FER: variants seen among roughly 807,000 people sequenced by gnomAD.
The protein encoded by FER is tyrosine-protein kinase Fer.
A neutral mutation model predicts 111.0 loss-of-function variants in FER; 63 were observed. The ratio of observed to expected loss-of-function variants is 0.57; its 90% CI spans 0.46 to 0.70. FER has a LOEUF of 0.70. Ranked by LOEUF, FER falls within the 30% of genes least tolerant of loss-of-function variation. FER has a pLI of 0.00. For missense variants in FER, 914 were observed against 954.0 expected, an observed-to-expected ratio of 0.96 and a Z score of 0.55; for synonymous variants, 327 against 313.9, an observed-to-expected ratio of 1.04 and a Z score of -0.44.
chr5:108,883,386 T>C lies in FER; in HGVS notation c.924-10T>C, dbSNP rs1404290833. 2 of 1,594,736 alleles carry C rather than the reference T, an allele frequency of 1.3e-6. No individual in the cohort carries two copies. Among genetic ancestry groups the C allele is most frequent in the South Asian group, 2.3e-5 (2 of 87,598 alleles). The stretch of plus-strand genomic sequence containing the variant: ...TTGTTGGTTGTTATTGAGGATACTG[T>C]TTATTCTAGGTTGAAAACGTTAGCG... On this transcript the variant is annotated splice_polypyrimidine_tract_variant and intron_variant, in intron 8 of 19. Transcript: ENST00000281092.
intron 13 of FER, among the ~76,000 whole-genome samples, chr5:108,980,429 T>G (rs1761902982): frequency 6.6e-6 from 1 of 152,226 alleles, no homozygotes; most frequent in Non-Finnish European, 1.5e-5. Flanking sequence ...AGTATTCATC[T>G]ATACAGGAGA....
intron 17 of FER, among the ~76,000 whole-genome samples, chr5:109,118,017 T>C (rs1227731816): frequency 1.3e-5 from 2 of 152,068 alleles, no homozygotes; most frequent in African/African-American, 4.8e-5. Context: ...TCCTGCCTGA[T>C]TGCCCTGGCC....
At chr5:108,817,184 C>T (rs1191439620) in intron 3 of FER, among the ~76,000 whole-genome samples, 1 of 142,496 alleles carries the variant, frequency 7.0e-6, no homozygotes, top group African/African-American at 2.6e-5. Context: ...ACCACTAGTC[C>T]AGGGAAACCG....
intron 8 of FER, among the ~76,000 whole-genome samples, chr5:108,872,998 C>T (rs116177016): frequency 1.7e-3 from 264 of 152,294 alleles, no homozygotes; most frequent in African/African-American, 6.2e-3. Context: ...TCAAATGACT[C>T]AGCCAAATGT....
chr5:108,770,065 C>T (rs1752728392), intron 2 of FER, among the ~76,000 whole-genome samples: 1 of 152,184 alleles, frequency 6.6e-6, no homozygotes, highest in African/African-American at 2.4e-5. Context: ...TCTCCTGCCT[C>T]AGCCTCCCAA....
chr5:109,098,670 A>G (rs937575121), intron 16 of FER, among the ~76,000 whole-genome samples: 28 of 151,664 alleles, frequency 1.8e-4, no homozygotes, highest in African/African-American at 5.1e-4. Context: ...AATTAGTGGA[A>G]TTTTACTTTT....
intron 5 of FER, among the ~76,000 whole-genome samples, chr5:108,855,141 C>G (rs774530727): frequency 1.3e-5 from 2 of 151,916 alleles, no homozygotes; most frequent in Admixed American, 6.6e-5. Context: ...TCAAGTGGAA[C>G]TGTTGAATTA....
At position 108,872,067 on chromosome 5, in the gene FER, C is replaced by A; in HGVS notation, c.804-26C>A. On this transcript the variant is annotated intron_variant, in intron 7 of 19. Coordinates refer to ENST00000281092, the MANE Select transcript of FER (RefSeq NM_005246.4). ...ATTATGATACTGTATTTACAATGAT[C>A]AAAATTATTTGCCATGCTTTACTAG... The A allele has an allele frequency of 2.5e-6, 4 of 1,603,012 alleles. No homozygotes were observed. In the South Asian group the frequency reaches 4.5e-5, roughly 18 times the overall value.
intron 4 of FER, among the ~76,000 whole-genome samples, 158 bp downstream of exon 4, chr5:108,833,101 T>C (rs776687751): frequency 1.4e-4 from 21 of 152,198 alleles, no homozygotes; most frequent in Non-Finnish European, 2.4e-4. Context: ...ACATAAAACA[T>C]TGATTATAGG....
intron 13 of FER, among the ~76,000 whole-genome samples, chr5:108,988,276 AT>A (rs1174669660): frequency 6.6e-6 from 1 of 151,694 alleles, no homozygotes; most frequent in Non-Finnish European, 1.5e-5. Flanking sequence ...TCCTTTTCTG[AT>A]TTTGATATTA....
At chr5:108,761,995 T>G (rs1420649671) in intron 1 of FER, among the ~76,000 whole-genome samples, 1 of 151,978 alleles carries the variant, frequency 6.6e-6, no homozygotes, top group Admixed American at 6.6e-5. Context: ...ACTGCAACCT[T>G]GGCCTCCTGG....
chr5:108,783,446 G>C (rs1754323342), intron 2 of FER, among the ~76,000 whole-genome samples: 1 of 152,010 alleles, frequency 6.6e-6, no homozygotes, highest in African/African-American at 2.4e-5. Context: ...GATTCATCTA[G>C]GTGTTTGCAT....
intron 12 of FER, 126 bp from the exon 13 acceptor site, chr5:108,959,099 T>G (rs1018958436): frequency 1.3e-6 from 1 of 797,314 alleles, no homozygotes; most frequent in East Asian, 2.8e-5. Context: ...AGTTCAGTAG[T>G]GTTAAGTATA....
At chr5:108,793,319 T>C (rs1755591813) in intron 2 of FER, among the ~76,000 whole-genome samples, 1 of 152,184 alleles carries the variant, frequency 6.6e-6, no homozygotes, top group South Asian at 2.1e-4. Flanking sequence ...ATCCATGTTG[T>C]TGCAGATAAC....
intron 10 of FER, among the ~76,000 whole-genome samples, chr5:108,935,839 C>A (rs182673691): frequency 2.6e-4 from 40 of 152,134 alleles, no homozygotes; most frequent in African/African-American, 8.2e-4. Context: ...AGCATAGATT[C>A]TGAATCAAGT....
chr5:109,180,850 G>C lies in FER; in HGVS notation c.2152G>C (p.Gly718Arg), dbSNP rs762748995. 15 of 1,613,172 alleles carry C rather than the reference G, an allele frequency of 9.3e-6. No individual in the cohort carries two copies. The highest frequency in any genetic ancestry group is 1.3e-5 in the Non-Finnish European group (15 of 1,179,612). Reference sequence around the variant, plus strand: ...GGATGGTGGAGTGTATTCATCTTCTGGCTTAAAGCAGATTCCCATTAAATG... The same window carrying C: ...GGATGGTGGAGTGTATTCATCTTCTCGCTTAAAGCAGATTCCCATTAAATG... ...QEDGGVYSSS[G>R]LKQIPIKWTA... The change falls in exon 18 of 20, where the codon GGC becomes CGC. Residue 718 changes from glycine (G) to arginine (R), a missense_variant. Physicochemically the swap from Gly to Arg is moderately radical, Grantham distance 125 (BLOSUM62 -2). Coordinates refer to ENST00000281092, the MANE Select transcript of FER (RefSeq NM_005246.4).
rs761896385 is a variant in FER, at chr5:109,190,657, G to C, written c.*3082G>C. The C allele has an allele frequency of 6.6e-6, 1 of 152,170 alleles. No individual in the cohort carries two copies. The highest frequency in any genetic ancestry group is 2.1e-4 in the South Asian group (1 of 4,832). The allele number at this position is 152,170 out of a possible 1,614,324, so 9.4% of individuals were successfully genotyped here. ...ATTGACAGGTTTTGTTTAAACTTCA[G>C]AAACTGAAGCTTTATTTCAGCCTGT... On this transcript the variant is annotated 3_prime_UTR_variant, in exon 20 of 20. Coordinates refer to ENST00000281092, the MANE Select transcript of FER (RefSeq NM_005246.4).
At chr5:109,142,754 G>GA (rs770675028) in intron 17 of FER, among the ~76,000 whole-genome samples, 8 of 151,946 alleles carry the variant, frequency 5.3e-5, no homozygotes, top group African/African-American at 1.9e-4. Context: ...CATAGAAATA[G>GA]AAAAAATGGA....
intron 16 of FER, among the ~76,000 whole-genome samples, chr5:109,059,380 T>G (rs752071647): frequency 3.4e-5 from 5 of 148,048 alleles, no homozygotes; most frequent in Non-Finnish European, 6.0e-5. Flanking sequence ...AAAAAAAAAT[T>G]AGCTGGGTGT....
Sources: gnomAD v4.1 joint callset for allele counts (sites outside exome capture counted in the v4.1 genomes callset) on GRCh38, gnomAD v4.1.1 for gene constraint, MANE v1.5 for transcripts, NCBI Gene and HGNC (gene_info 2026-07-23, HGNC 2026-07-21) for gene names.